UGGT1: variants seen among roughly 807,000 people sequenced by gnomAD.
UGGT1 encodes UDP-glucose glycoprotein glucosyltransferase 1, also known as UDP-glucose:glycoprotein glucosyltransferase 1.
UGGT1 carries 107 observed loss-of-function variants against 203.9 expected under a neutral mutation model. The ratio of observed to expected loss-of-function variants is 0.52; its 90% CI spans 0.45 to 0.62. The LOEUF (loss-of-function observed/expected upper bound fraction) is 0.62. UGGT1 is among the 20% of genes least tolerant of loss of function. The pLI is 0.00. For synonymous variants in UGGT1, 628 were observed against 653.5 expected (o/e 0.96, Z 0.59); for missense variants, 1,673 against 1,867.2 (o/e 0.90, Z 1.92).
At chr2:128,177,550 T>C (rs1018271624) in intron 32 of UGGT1, among the ~76,000 whole-genome samples, 1 of 148,528 alleles carries the variant, frequency 6.7e-6, no homozygotes, top group South Asian at 2.1e-4. Flanking sequence ...CTGGTTTCAC[T>C]GCACAGTTGA....
intron 18 of UGGT1, among the ~76,000 whole-genome samples, chr2:128,148,102 C>T (rs1405539397): frequency 6.6e-6 from 1 of 152,086 alleles, no homozygotes; most frequent in East Asian, 1.9e-4. Flanking sequence ...CGCTCTATTG[C>T]CCAGGCTGGA....
chr2:128,167,536 C>T (rs967315787), intron 26 of UGGT1, among the ~76,000 whole-genome samples: 1 of 152,206 alleles, frequency 6.6e-6, no homozygotes, highest in Non-Finnish European at 1.5e-5. Flanking sequence ...CACCCCAGTC[C>T]TGAGGAATCA....
intron 24 of UGGT1, among the ~76,000 whole-genome samples, 173 bp downstream of exon 24, chr2:128,160,764 G>A (rs886164631): frequency 6.6e-6 from 1 of 152,164 alleles, no homozygotes; most frequent in African/African-American, 2.4e-5. Flanking sequence ...TGTGCTTTTT[G>A]ACATAGACAA....
chr2:128,189,625 G>T (rs1692156718), intron 40 of UGGT1, 92 bp from the exon 41 acceptor site: 1 of 1,321,304 alleles, frequency 7.6e-7, no homozygotes, highest in African/African-American at 1.5e-5. Flanking sequence ...GAGGTACAAA[G>T]AATAGGTTCC....
At chr2:128,182,938 A>G (rs1208301277) in intron 37 of UGGT1, among the ~76,000 whole-genome samples, 1 of 123,440 alleles carries the variant, frequency 8.1e-6, no homozygotes, top group Non-Finnish European at 1.6e-5. Context: ...ACTTAATGTC[A>G]TATACATCTT....
At chr2:128,128,918 A>C in intron 12 of UGGT1, 111 bp from the exon 13 acceptor site, 1 of 1,078,160 alleles carries the variant, frequency 9.3e-7, no homozygotes, top group Non-Finnish European at 1.3e-6. Context: ...TAAATTTCTC[A>C]ATTAATTTGA....
chr2:128,138,992 CAGTGTATAG>C, intron 16 of UGGT1, 140 bp downstream of exon 16: 2 of 1,113,960 alleles, frequency 1.8e-6, no homozygotes, highest in Non-Finnish European at 2.5e-6. Flanking sequence ...ATGTCTGCTG[CAGTGTATAG>C]AGATGGATCT....
chr2:128,131,425 A>G (rs1316108022), intron 13 of UGGT1, among the ~76,000 whole-genome samples: 1 of 151,724 alleles, frequency 6.6e-6, no homozygotes, highest in African/African-American at 2.4e-5. Flanking sequence ...ACAGCCTTAA[A>G]CTCCTGTGTT....
intron 10 of UGGT1, among the ~76,000 whole-genome samples, chr2:128,122,238 A>AAAGGGG (rs1688415111): frequency 6.6e-6 from 1 of 150,874 alleles, no homozygotes; most frequent in Admixed American, 6.6e-5. Flanking sequence ...CTGGTGCTCA[A>AAAGGGG]AAGGGGGAAG....
At chr2:128,094,385 T>G (rs537517029) in intron 1 of UGGT1, among the ~76,000 whole-genome samples, 1 of 152,318 alleles carries the variant, frequency 6.6e-6, no homozygotes, top group African/African-American at 2.4e-5. Flanking sequence ...TAGAAGATAG[T>G]TTTTTCTTAC....
chr2:128,150,571 G>A (rs1239568378), intron 18 of UGGT1, among the ~76,000 whole-genome samples: 1 of 151,888 alleles, frequency 6.6e-6, no homozygotes, highest in Non-Finnish European at 1.5e-5. Flanking sequence ...GTGTGTGTGT[G>A]TGTGTCTGTG....
At chr2:128,167,830 G>A (rs1255090531) in intron 26 of UGGT1, among the ~76,000 whole-genome samples, 2 of 151,992 alleles carry the variant, frequency 1.3e-5, no homozygotes, top group African/African-American at 4.8e-5. Flanking sequence ...GAGATGTGGG[G>A]TAAGTAAAGG....
rs570764979 is a variant in UGGT1 at position 128,130,474 on chromosome 2, T to C, written c.1377+1295T>C. On this transcript the variant is annotated intron_variant, in intron 13 of 40. Transcript: ENST00000259253. ...ATATAACTTATTTTGATGAAGACATTGTTAATGTCATTTGCTTTTCTGTTA... is the reference window on the plus strand; with the variant it reads ...ATATAACTTATTTTGATGAAGACATCGTTAATGTCATTTGCTTTTCTGTTA... 3.9e-5 allele frequency among the ~76,000 whole-genome samples: 6 copies of C among 152,354 alleles called. No individual in the cohort carries two copies. In the East Asian group the frequency reaches 1.2e-3, roughly 29 times the overall value.
rs1310994624 is a variant in UGGT1 at position 128,113,980 on chromosome 2, C to CA, written c.696+739dup. Among the ~76,000 whole-genome samples, 10 of 3,966 alleles carry CA rather than the reference C, an allele frequency of 2.5e-3. 1 individual carries two copies. Among genetic ancestry groups the CA allele is most frequent in the Non-Finnish European group, 3.5e-3 (2 of 570 alleles). 2.6% of individuals were successfully genotyped at this position (3,966 alleles called of 152,430 possible). On this transcript the variant is annotated intron_variant, in intron 6 of 40. Transcript: ENST00000259253. ...TGGGCGACAGAGCGAGACTCCGTCT[C>CA]AAAAAAAAAAAAAAAAAGACTCTGT...
intron 30 of UGGT1, 59 bp downstream of exon 30, chr2:128,173,998 T>C (rs1691246550): frequency 6.4e-7 from 1 of 1,571,034 alleles, no homozygotes; most frequent in East Asian, 2.3e-5. Flanking sequence ...GGCACTATAA[T>C]TTATGATGGA....
At chr2:128,108,982 T>C (rs1558756414) in intron 4 of UGGT1, among the ~76,000 whole-genome samples, 1 of 152,114 alleles carries the variant, frequency 6.6e-6, no homozygotes, top group Non-Finnish European at 1.5e-5. Context: ...CAATCACAGC[T>C]CACTGCAACC....
At position 128,160,539 on chromosome 2, in the gene UGGT1, G is replaced by A. The variant is rs1690475108; in HGVS notation, c.2642G>A (p.Arg881Lys). The A allele has an allele frequency of 6.2e-7, 1 of 1,613,638 alleles. No homozygotes were observed. The highest frequency in any genetic ancestry group is 1.3e-5 in the African/African-American group (1 of 74,994). Residue 881 changes from arginine (R) to lysine (K), a missense_variant, in exon 24 of 41, where the codon AGG becomes AAG. Arg to Lys is a conservative substitution (Grantham distance 26). This residue lies in a region of UGGT1 where 1,073 missense variants were observed against 1,078.7 expected (regional missense o/e 0.99). Coordinates refer to ENST00000259253, the MANE Select transcript of UGGT1 (RefSeq NM_020120.4). ...ATTTTGTCTCATGCCGTGTACTGCA[G>A]GGATGTTCTGAAGCTGAAGAAGGGA... ...DFILSHAVYCRDVLKLKKGQR... is the reference protein window; with the variant it reads ...DFILSHAVYCKDVLKLKKGQR...
chr2:128,111,389 A>G (rs901147522), intron 5 of UGGT1, among the ~76,000 whole-genome samples: 6 of 152,210 alleles, frequency 3.9e-5, no homozygotes, highest in African/African-American at 1.4e-4. Flanking sequence ...GTCCATTAGG[A>G]AGATCATAGT....
chr2:128,183,400 T>G (rs1301451084), intron 37 of UGGT1, among the ~76,000 whole-genome samples: 1 of 152,392 alleles, frequency 6.6e-6, no homozygotes, highest in East Asian at 1.9e-4. Flanking sequence ...ATGGCTTTTG[T>G]TACTGCCGCA....
Sources: allele counts gnomAD v4.1 joint callset (sites outside exome capture counted in the v4.1 genomes callset), GRCh38; gene constraint gnomAD v4.1.1; regional missense constraint gnomAD v4.1.1; transcripts MANE v1.5; gene names NCBI Gene and HGNC (gene_info 2026-07-23, HGNC 2026-07-21).